Variants in EXOC6B observed in about 807,000 individuals in gnomAD.
EXOC6B encodes the protein SEC15 homolog B.
EXOC6B carries 54 observed loss-of-function variants against 113.5 expected under a neutral mutation model. The ratio of observed to expected loss-of-function variants is 0.48; its 90% CI spans 0.38 to 0.60. The LOEUF is 0.60. Ranked by LOEUF, EXOC6B falls within the 20% of genes least tolerant of loss-of-function variation. The pLI is 0.00. For missense variants in EXOC6B, 797 were observed against 977.5 expected (o/e 0.82, Z 2.46); for synonymous variants, 357 against 339.0 (o/e 1.05, Z -0.58).
intron 6 of EXOC6B, among the ~76,000 whole-genome samples, chr2:72,644,941 T>C (rs1673579177): frequency 6.6e-6 from 1 of 152,104 alleles, no homozygotes; most frequent in East Asian, 1.9e-4. Flanking sequence ...CATAACAATA[T>C]TAACCTTAAA....
chr2:72,481,659 C>T (rs1445502913), intron 16 of EXOC6B, among the ~76,000 whole-genome samples: 2 of 152,162 alleles, frequency 1.3e-5, no homozygotes, highest in East Asian at 3.8e-4. Flanking sequence ...TTATTACTTA[C>T]TGATCTTGTG....
chr2:72,437,769 A>G (rs1307512981), intron 18 of EXOC6B, among the ~76,000 whole-genome samples: 2 of 152,216 alleles, frequency 1.3e-5, no homozygotes. Flanking sequence ...CTTATCTAAT[A>G]TGCATATAAG....
At chr2:72,676,073 A>AT (rs1303620972) in intron 6 of EXOC6B, among the ~76,000 whole-genome samples, 2 of 151,682 alleles carry the variant, frequency 1.3e-5, no homozygotes, top group Non-Finnish European at 2.9e-5. Flanking sequence ...ATGAAGGCAT[A>AT]TGGCATGAAC....
At chr2:72,285,120 ATTCT>A (rs1199319588) in intron 20 of EXOC6B, among the ~76,000 whole-genome samples, 1 of 152,120 alleles carries the variant, frequency 6.6e-6, no homozygotes, top group African/African-American at 2.4e-5. Flanking sequence ...TGATAAACTG[ATTCT>A]AAAGTTTATA....
chr2:72,734,986 T>G (rs1296283415), intron 2 of EXOC6B, among the ~76,000 whole-genome samples: 1 of 152,186 alleles, frequency 6.6e-6, no homozygotes, highest in Non-Finnish European at 1.5e-5. Context: ...TCCGTAAAAA[T>G]GGAGCTTATT....
At chr2:72,246,877 A>C (rs1222558673) in intron 20 of EXOC6B, among the ~76,000 whole-genome samples, 1 of 152,178 alleles carries the variant, frequency 6.6e-6, no homozygotes, top group Non-Finnish European at 1.5e-5. Flanking sequence ...TATTTCTCTG[A>C]GATCATTTTC....
At chr2:72,708,048 A>G (rs1345909532) in intron 6 of EXOC6B, among the ~76,000 whole-genome samples, 1 of 152,120 alleles carries the variant, frequency 6.6e-6, no homozygotes, top group East Asian at 1.9e-4. Context: ...CAAAATATTA[A>G]ATTTTCAAAA....
At chr2:72,762,124 G>A (rs1215029483) in intron 1 of EXOC6B, among the ~76,000 whole-genome samples, 1 of 151,556 alleles carries the variant, frequency 6.6e-6, no homozygotes, top group Non-Finnish European at 1.5e-5. Flanking sequence ...TGTGCCTGTA[G>A]TCCCAGCCAC....
At chr2:72,364,917 T>C (rs1215209801) in intron 19 of EXOC6B, among the ~76,000 whole-genome samples, 3 of 152,164 alleles carry the variant, frequency 2.0e-5, no homozygotes, top group Admixed American at 2.0e-4. Context: ...TGAGCTTCTA[T>C]TTTTTCCTCA....
chr2:72,660,805 G>T, intron 6 of EXOC6B, among the ~76,000 whole-genome samples: 1 of 149,260 alleles, frequency 6.7e-6, no homozygotes, highest in Non-Finnish European at 1.5e-5. Flanking sequence ...TTACACAATT[G>T]GCACTAAGTT....
chr2:72,720,447 T>TA (rs1268303430), intron 5 of EXOC6B, among the ~76,000 whole-genome samples: 2 of 151,520 alleles, frequency 1.3e-5, no homozygotes, highest in South Asian at 2.1e-4. Context: ...AGATATGCCA[T>TA]AAAAAAAAGA....
At chr2:72,804,233 T>C (rs533965825) in intron 1 of EXOC6B, among the ~76,000 whole-genome samples, 7 of 152,334 alleles carry the variant, frequency 4.6e-5, no homozygotes, top group African/African-American at 1.7e-4. Context: ...AGACTCATTC[T>C]CTTCATATGC....
chr2:72,679,864 G>A (rs1676570352), intron 6 of EXOC6B, among the ~76,000 whole-genome samples: 1 of 152,154 alleles, frequency 6.6e-6, no homozygotes, highest in Non-Finnish European at 1.5e-5. Context: ...ACGGATTAGA[G>A]GTTAAGAGCA....
chr2:72,548,539 C>A (rs1703030939), intron 8 of EXOC6B, among the ~76,000 whole-genome samples: 1 of 152,104 alleles, frequency 6.6e-6, no homozygotes, highest in African/African-American at 2.4e-5. Context: ...TTCCGTTGGA[C>A]ACCAATAGAA....
chr2:72,303,474 C>T (rs1047508166), intron 20 of EXOC6B, among the ~76,000 whole-genome samples: 8 of 151,882 alleles, frequency 5.3e-5, no homozygotes, highest in African/African-American at 1.7e-4. Flanking sequence ...TGTCTTATTT[C>T]ACAGAGCCAG....
chr2:72,400,690 T>G (rs879705814), intron 18 of EXOC6B, among the ~76,000 whole-genome samples: 9 of 132,714 alleles, frequency 6.8e-5, no homozygotes, highest in African/African-American at 2.5e-4. Context: ...AAAGAAAAAA[T>G]GCTCAACATC....
intron 18 of EXOC6B, among the ~76,000 whole-genome samples, chr2:72,438,233 A>G (rs1218790680): frequency 6.6e-6 from 1 of 152,168 alleles, no homozygotes; most frequent in Admixed American, 6.6e-5. Context: ...AAGATATATT[A>G]AAACTCAATC....
chr2:72,269,055 T>G (rs1684317216), intron 20 of EXOC6B, among the ~76,000 whole-genome samples: 1 of 152,170 alleles, frequency 6.6e-6, no homozygotes, highest in South Asian at 2.1e-4. Flanking sequence ...ACAGAGGAAA[T>G]GGGCTTGCCT....
intron 20 of EXOC6B, among the ~76,000 whole-genome samples, chr2:72,201,979 G>A (rs1679521142): frequency 1.3e-5 from 2 of 152,116 alleles, no homozygotes. Context: ...GGGAAAGCTT[G>A]GTATCATTCT....
Sources: allele counts gnomAD v4.1 joint callset (sites outside exome capture counted in the v4.1 genomes callset), GRCh38; gene constraint gnomAD v4.1.1; transcripts MANE v1.5; gene names NCBI Gene and HGNC (gene_info 2026-07-23, HGNC 2026-07-21).